PDE6D: variants seen among roughly 807,000 people sequenced by gnomAD.
The protein encoded by PDE6D is phosphodiesterase 6D.
A neutral mutation model predicts 21.9 loss-of-function variants in PDE6D; 10 were observed. The ratio of observed to expected loss-of-function variants is 0.46; its 90% CI spans 0.28 to 0.78. PDE6D has a LOEUF of 0.78. Among genes scored for constraint, PDE6D ranks in the 30% least tolerant of loss-of-function variants. The probability of loss-of-function intolerance (pLI) is 0.12; values close to 1 mark genes in which losing one functional copy is unlikely to be tolerated. For missense variants in PDE6D, 139 were observed against 184.8 expected (o/e 0.75, Z 1.44); for synonymous variants, 59 against 63.5 (o/e 0.93, Z 0.34).
chr2:231,749,187 G>A (rs2048818019), intron 1 of PDE6D, among the ~76,000 whole-genome samples: 1 of 152,186 alleles, frequency 6.6e-6, no homozygotes, highest in South Asian at 2.1e-4. Context: ...GAGGGAGGCT[G>A]TACCCTGCAA....
chr2:231,749,138 A>G (rs1191416571), intron 1 of PDE6D, among the ~76,000 whole-genome samples: 1 of 152,150 alleles, frequency 6.6e-6, no homozygotes, highest in Non-Finnish European at 1.5e-5. Context: ...CACCTGGAAA[A>G]GCCGCAGACA....
chr2:231,746,056 C>T (rs1025087574), intron 1 of PDE6D, among the ~76,000 whole-genome samples: 6 of 152,212 alleles, frequency 3.9e-5, no homozygotes, highest in African/African-American at 1.2e-4. Context: ...TGGCCCAACA[C>T]AAATTTGTAA....
chr2:231,763,437 G>C (rs1295106321), intron 1 of PDE6D, among the ~76,000 whole-genome samples: 1 of 152,032 alleles, frequency 6.6e-6, no homozygotes, highest in Admixed American at 6.6e-5. Flanking sequence ...CTGTGTATCA[G>C]GTGCAAATAT....
chr2:231,769,579 G>A (rs1249395633), intron 1 of PDE6D, among the ~76,000 whole-genome samples: 2 of 150,708 alleles, frequency 1.3e-5, no homozygotes, highest in Non-Finnish European at 3.0e-5. Context: ...TACACACACA[G>A]ATATACATAT....
intron 1 of PDE6D, among the ~76,000 whole-genome samples, chr2:231,750,312 T>G (rs924875597): frequency 2.0e-5 from 3 of 152,118 alleles, no homozygotes; most frequent in African/African-American, 7.2e-5. Flanking sequence ...CAACCTACTA[T>G]GTACCGGTAT....
chr2:231,738,215 CTTCTTACAGCTGATTTAGAGAACACT>C (rs1331678980), intron 2 of PDE6D, 77 bp from the exon 3 acceptor site: 101 of 1,336,034 alleles, frequency 7.6e-5, no homozygotes, highest in African/African-American at 3.2e-4. Flanking sequence ...TTTCTGGGAG[CTTCTTACAGCTGATTTAGAGAACACT>C]TTCTTACAGC....
At chr2:231,772,328 G>A (rs1410787651) in intron 1 of PDE6D, among the ~76,000 whole-genome samples, 1 of 152,176 alleles carries the variant, frequency 6.6e-6, no homozygotes, top group African/African-American at 2.4e-5. Flanking sequence ...GTCCTACGGT[G>A]AGACCATCGC....
intron 1 of PDE6D, among the ~76,000 whole-genome samples, chr2:231,746,498 G>C (rs1219265261): frequency 6.6e-6 from 1 of 152,126 alleles, no homozygotes; most frequent in Non-Finnish European, 1.5e-5. Flanking sequence ...GTGGCCCAGG[G>C]AAGCCAAAAG....
At position 231,738,070 on chromosome 2, in the gene PDE6D, G is replaced by T; in HGVS notation, c.208C>A (p.Gln70Lys). Residue 70 changes from glutamine to lysine, a missense_variant, in exon 3 of 5, where the codon CAA becomes AAA. By Grantham distance (53) the Gln-to-Lys change is moderately conservative (BLOSUM62 1). Coordinates refer to ENST00000287600, the MANE Select transcript of PDE6D (RefSeq NM_002601.4). ...TGTTCCAGGCGGAATTTTTCCATTT[G>T]TTCTGTCGAAGAAAAATTAAGTTCT... ...SRELNFSSTE[Q>K]MEKFRLEQKV... 1 of 1,613,844 alleles carries T rather than the reference G, an allele frequency of 6.2e-7. No homozygotes were observed. The highest frequency in any genetic ancestry group is 1.1e-5 in the South Asian group (1 of 91,072).
chr2:231,770,027 ATGTT>A (rs1462679951), intron 1 of PDE6D, among the ~76,000 whole-genome samples: 1 of 152,252 alleles, frequency 6.6e-6, no homozygotes, highest in Non-Finnish European at 1.5e-5. Context: ...AAGCCAGGAC[ATGTT>A]TGTTTATCCA....
intron 1 of PDE6D, among the ~76,000 whole-genome samples, chr2:231,765,325 C>T (rs751126582): frequency 2.6e-4 from 40 of 151,466 alleles, no homozygotes; most frequent in Non-Finnish European, 4.6e-4. Context: ...ACCTGGAACT[C>T]AGAAAGAAAA....
At chr2:231,757,131 T>C (rs1220934470) in intron 1 of PDE6D, among the ~76,000 whole-genome samples, 2 of 151,654 alleles carry the variant, frequency 1.3e-5, no homozygotes, top group African/African-American at 4.8e-5. Context: ...GCTAATTTTT[T>C]ATATATTTAG....
Position 231,767,325 on chromosome 2 carries a change from G to GT in PDE6D, c.50+13739dup, listed in dbSNP as rs1187982745. Among the ~76,000 whole-genome samples the GT allele has an allele frequency of 7.2e-3, 1,046 of 145,660 alleles. 10 individuals carry two copies. The highest frequency in any genetic ancestry group is 0.02 in the African/African-American group (787 of 40,076). ...CCATCAAACAGCATGCATTATCCTT[G>GT]TTTTTTTTTTTTGAGACAGAGTCTC... On this transcript the variant is annotated intron_variant, in intron 1 of 4. Transcript: ENST00000287600.
In PDE6D at chr2:231,739,302, A is replaced by G. The variant is rs769745726; in HGVS notation, c.51-114T>C. 1.0e-5 allele frequency: 8 copies of G among 773,098 alleles called. No individual in the cohort carries two copies. Among genetic ancestry groups the G allele is most frequent in the African/African-American group, 1.7e-5 (1 of 59,192 alleles). 47.9% of individuals were successfully genotyped at this position (773,098 alleles called of 1,614,324 possible). A position where few individuals can be genotyped will look rare whatever the true frequency, so the allele number is the denominator to read the frequency against. On this transcript the variant is annotated intron_variant, in intron 1 of 4. Coordinates refer to ENST00000287600, the MANE Select transcript of PDE6D (RefSeq NM_002601.4). The surrounding 1 kb of genome is among the most constrained non-coding windows in gnomAD (Gnocchi z 4.2). The stretch of plus-strand genomic sequence containing the variant: ...TTGTTTACTTTTTAAAAAGTTTGTC[A>G]AACTGCTCATTGCCATGGAAGCACA...
chr2:231,767,089 C>A (rs562044511), intron 1 of PDE6D, among the ~76,000 whole-genome samples: 3 of 149,988 alleles, frequency 2.0e-5, no homozygotes, highest in East Asian at 3.9e-4. Flanking sequence ...CCAAGAGCCA[C>A]AATTAATTCC....
chr2:231,739,374 A>C lies in PDE6D; in HGVS notation c.51-186T>G. Reference sequence around the variant, plus strand: ...AAAGACATCTAAAGGAAGAAGCAGAAACCTAGAGAAGTTACTTTTATCTAT... The same window carrying C: ...AAAGACATCTAAAGGAAGAAGCAGACACCTAGAGAAGTTACTTTTATCTAT... On this transcript the variant is annotated intron_variant, in intron 1 of 4. Coordinates refer to ENST00000287600, the MANE Select transcript of PDE6D (RefSeq NM_002601.4). This position sits in a 1 kb window ranked among gnomAD's most constrained non-coding sequence, Gnocchi z 4.2. 1.4e-6 allele frequency: 1 copy of C among 718,902 alleles called. No individual in the cohort carries two copies. The highest frequency in any genetic ancestry group is 2.6e-6 in the Non-Finnish European group (1 of 389,164). The allele number at this position is 718,902 out of a possible 1,614,324, so 44.5% of individuals were successfully genotyped here.
rs138658955 is a variant in PDE6D, at chr2:231,761,279, A to T, written c.50+19786T>A. On this transcript the variant is annotated intron_variant, in intron 1 of 4. Coordinates refer to ENST00000287600, the MANE Select transcript of PDE6D (RefSeq NM_002601.4). ...AAGCTCCGCTTCCCAGGTTCACGCC[A>T]TTCTCCTGCCTCAGCCTCCCGAGTA... Among the ~76,000 whole-genome samples the T allele has an allele frequency of 1.8e-3, 271 of 151,896 alleles. 2 individuals carry two copies. Among genetic ancestry groups the T allele is most frequent in the African/African-American group, 6.0e-3 (247 of 41,350 alleles).
intron 1 of PDE6D, among the ~76,000 whole-genome samples, chr2:231,746,255 C>T (rs1267879148): frequency 6.6e-6 from 1 of 152,116 alleles, no homozygotes; most frequent in African/African-American, 2.4e-5. Flanking sequence ...GATTCTCCTG[C>T]CTCAGCATCC....
At chr2:231,757,450 A>G (rs2048891779) in intron 1 of PDE6D, among the ~76,000 whole-genome samples, 1 of 152,088 alleles carries the variant, frequency 6.6e-6, no homozygotes, top group Non-Finnish European at 1.5e-5. Context: ...GGAGCGTGCG[A>G]CCACGCCCAG....
Sources: gnomAD v4.1 joint callset for allele counts (sites outside exome capture counted in the v4.1 genomes callset) on GRCh38, gnomAD v4.1.1 for gene constraint, Gnocchi (gnomAD v3.1) non-coding constraint, MANE v1.5 for transcripts, NCBI Gene and HGNC (gene_info 2026-07-23, HGNC 2026-07-21) for gene names.